GNAO1: variants seen among roughly 807,000 people sequenced by gnomAD.
The protein encoded by GNAO1 is G protein subunit alpha o1.
For synonymous variants in GNAO1, 164 were observed against 180.7 expected, an observed-to-expected ratio of 0.91 and a Z score of 0.74; for missense variants, 166 against 478.7, an observed-to-expected ratio of 0.35 and a Z score of 6.10.
At chr16:56,247,842 C>T (rs9923472) in intron 2 of GNAO1, among the ~76,000 whole-genome samples, 68,458 of 152,036 alleles carry the variant, frequency 0.45, 15,572 homozygotes, top group East Asian at 0.59. Context: ...AGTTGTTTAA[C>T]CTCTATCACT....
intron 2 of GNAO1, among the ~76,000 whole-genome samples, chr16:56,209,935 C>A (rs2036371002): frequency 6.6e-6 from 1 of 152,108 alleles, no homozygotes; most frequent in South Asian, 2.1e-4. Context: ...AGGCTTTACT[C>A]TTGGTGGTGT....
intron 3 of GNAO1, among the ~76,000 whole-genome samples, chr16:56,280,551 A>G (rs1051635188): frequency 8.5e-5 from 13 of 152,158 alleles, no homozygotes; most frequent in South Asian, 2.1e-4. Flanking sequence ...TTAGGAAATT[A>G]TGATGATGGC....
chr16:56,256,718 C>CTCTCTCTCTG (rs1295470655), intron 2 of GNAO1, among the ~76,000 whole-genome samples: 23 of 72,210 alleles, frequency 3.2e-4, no homozygotes, highest in Non-Finnish European at 5.6e-4. Flanking sequence ...CTCTCTCTCT[C>CTCTCTCTCTG]TGTGTGTGTG....
intron 2 of GNAO1, among the ~76,000 whole-genome samples, chr16:56,234,693 T>G (rs2036620768): frequency 6.6e-6 from 1 of 151,890 alleles, no homozygotes; most frequent in Non-Finnish European, 1.5e-5. Flanking sequence ...TTTGAGGGAG[T>G]GTGGTTCAGA....
intron 6 of GNAO1, chr16:56,347,542 C>T (rs2037882988): frequency 1.0e-6 from 1 of 985,570 alleles, no homozygotes; most frequent in Admixed American, 6.1e-5. Context: ...ATGAAGGCCC[C>T]TGTCAAAGAA....
At chr16:56,196,523 C>T (rs1596791029) in intron 2 of GNAO1, among the ~76,000 whole-genome samples, 1 of 152,146 alleles carries the variant, frequency 6.6e-6, no homozygotes, top group African/African-American at 2.4e-5. Flanking sequence ...AGTGACTTCC[C>T]AGTTCTGAAC....
At chr16:56,287,666 C>G (rs536171829) in intron 3 of GNAO1, among the ~76,000 whole-genome samples, 51 of 152,304 alleles carry the variant, frequency 3.3e-4, no homozygotes, top group Non-Finnish European at 8.8e-5. Flanking sequence ...GTCAAGGCCT[C>G]TTAGCTATTA....
chr16:56,345,128 G>GA lies in GNAO1; in HGVS notation c.724-6254dup, dbSNP rs1481970688. ...GCTTCACTGCGGAGATCCCTGAGCA[G>GA]AAGGGGGCGGGGTAGCTTCTCCCGG... On this transcript the variant is annotated intron_variant, in intron 6 of 8. Coordinates refer to ENST00000262493, the MANE Select transcript of GNAO1 (RefSeq NM_020988.3). The GA allele has an allele frequency of 3.1e-5, 31 of 985,852 alleles. No individual in the cohort carries two copies. The East Asian group carries it at 3.2e-3, about 101-fold the overall frequency. 61.1% of individuals were successfully genotyped at this position (985,852 alleles called of 1,614,324 possible). A position where few individuals can be genotyped will look rare whatever the true frequency, so the allele number is the denominator to read the frequency against.
Position 56,351,347 on chromosome 16 carries a change from G to A in GNAO1, c.724-37G>A, listed in dbSNP as rs369416479. The stretch of plus-strand genomic sequence containing the variant: ...TTCCCTGTCTCTGTGTCTCCCTCCC[G>A]CTGTCTGTCCTCTCTCCTCCCTTCC... On this transcript the variant is annotated intron_variant, in intron 6 of 8. Coordinates refer to ENST00000262493, the MANE Select transcript of GNAO1 (RefSeq NM_020988.3). The surrounding 1 kb of genome is among the most constrained non-coding windows in gnomAD (Gnocchi z 6.1). 7.7e-5 allele frequency: 118 copies of A among 1,535,726 alleles called. No individual in the cohort carries two copies. The highest frequency in any genetic ancestry group is 2.2e-4 in the Admixed American group (13 of 59,028).
intron 2 of GNAO1, among the ~76,000 whole-genome samples, chr16:56,237,567 A>G (rs1011399302): frequency 2.0e-5 from 3 of 152,186 alleles, no homozygotes; most frequent in African/African-American, 7.2e-5. Context: ...TCTAGGGGAA[A>G]AACACAGCCG....
chr16:56,232,065 G>A (rs1596811288), intron 2 of GNAO1, among the ~76,000 whole-genome samples: 1 of 152,108 alleles, frequency 6.6e-6, no homozygotes, highest in Non-Finnish European at 1.5e-5. Context: ...CCTAGAGAGG[G>A]TAAAGGACCT....
intron 2 of GNAO1, among the ~76,000 whole-genome samples, chr16:56,209,883 A>C (rs2036370093): frequency 1.3e-5 from 2 of 152,056 alleles, no homozygotes; most frequent in South Asian, 4.2e-4. Flanking sequence ...TGATGAACCT[A>C]TACTGGCGCA....
At chr16:56,317,024 TAGTA>T (rs2037518343) in intron 3 of GNAO1, among the ~76,000 whole-genome samples, 1 of 152,190 alleles carries the variant, frequency 6.6e-6, no homozygotes, top group African/African-American at 2.4e-5. Context: ...GGAAGGAACA[TAGTA>T]AGCAGTTTCT....
rs1251076567 is a variant in GNAO1 at position 56,356,314 on chromosome 16, C to G, written c.*240C>G. 6.6e-6 allele frequency: 1 copy of G among 152,662 alleles called. No homozygotes were observed. The highest frequency in any genetic ancestry group is 1.5e-5 in the Non-Finnish European group (1 of 68,052). 9.5% of individuals were successfully genotyped at this position (152,662 alleles called of 1,614,324 possible). A position where few individuals can be genotyped will look rare whatever the true frequency, so the allele number is the denominator to read the frequency against. ...TTGAAAGGAAAAACAGAACATTTCTCATGTGCTTTGTAGCTTAAAAAAAGG... is the reference window on the plus strand; with the variant it reads ...TTGAAAGGAAAAACAGAACATTTCTGATGTGCTTTGTAGCTTAAAAAAAGG... On this transcript the variant is annotated 3_prime_UTR_variant, in exon 9 of 9. Transcript: ENST00000262493.
At chr16:56,319,484 T>C (rs2037550367) in intron 3 of GNAO1, among the ~76,000 whole-genome samples, 1 of 152,104 alleles carries the variant, frequency 6.6e-6, no homozygotes, top group South Asian at 2.1e-4. Context: ...CGCCCCTCCT[T>C]GGAGCATGGG....
chr16:56,328,010 T>A (rs1043308739), intron 3 of GNAO1, among the ~76,000 whole-genome samples: 6 of 152,168 alleles, frequency 3.9e-5, no homozygotes, highest in Admixed American at 3.9e-4. Context: ...TGGCATGAGA[T>A]ATTTTTGCCA....
intron 3 of GNAO1, among the ~76,000 whole-genome samples, chr16:56,300,036 T>TGTGTGTGTGTGCGC (rs753591618): frequency 2.1e-4 from 20 of 95,170 alleles, no homozygotes; most frequent in African/African-American, 9.5e-4. Flanking sequence ...TGTGTGTGTG[T>TGTGTGTGTGTGCGC]GCGCGCGCGC....
chr16:56,192,397 TCC>T, intron 1 of GNAO1, 44 bp downstream of exon 1: 1 of 686,460 alleles, frequency 1.5e-6, no homozygotes, highest in East Asian at 7.3e-5. Flanking sequence ...CCCCGGCCAC[TCC>T]GCACCCCCTG....
At chr16:56,344,788 T>C (rs1222077939) in intron 6 of GNAO1, 1 of 985,324 alleles carries the variant, frequency 1.0e-6, no homozygotes, top group African/African-American at 1.7e-5. Flanking sequence ...ATGGTCACTC[T>C]GAGGTGTGAA....
Sources: gnomAD v4.1 joint callset for allele counts (sites outside exome capture counted in the v4.1 genomes callset) on GRCh38, gnomAD v4.1.1 for gene constraint, Gnocchi (gnomAD v3.1) non-coding constraint, MANE v1.5 for transcripts, NCBI Gene and HGNC (gene_info 2026-07-23, HGNC 2026-07-21) for gene names.